RABEP1: variants seen among roughly 807,000 people sequenced by gnomAD.
RABEP1 encodes rab GTPase-binding effector protein 1.
In RABEP1, 51 loss-of-function variants were observed where a neutral mutation model predicts 123.4. The observed-to-expected ratio is 0.41, with a 90% CI of 0.33 to 0.52. The LOEUF (loss-of-function observed/expected upper bound fraction) is 0.52, where lower values mean the gene tolerates loss of function less well. RABEP1 is among the 20% of genes least tolerant of loss of function. RABEP1 has a pLI of 0.16. For synonymous variants in RABEP1, 347 were observed against 355.2 expected (o/e 0.98, Z 0.26); for missense variants, 888 against 996.3 (o/e 0.89, Z 1.46).
At chr17:5,367,900 G>A (rs531348055) in intron 11 of RABEP1, among the ~76,000 whole-genome samples, 30 of 150,514 alleles carry the variant, frequency 2.0e-4, no homozygotes, top group Middle Eastern at 3.4e-3. Context: ...GAATACAGGT[G>A]CCCGCCACCA....
chr17:5,365,259 T>G (rs1174865401), intron 11 of RABEP1, 21 bp downstream of exon 11: 4 of 1,495,110 alleles, frequency 2.7e-6, no homozygotes, highest in Non-Finnish European at 3.6e-6. Context: ...GTTTATAGAC[T>G]GTGGCCCATG....
At position 5,361,302 on chromosome 17, in the gene RABEP1, T is replaced by C; in HGVS notation, c.1190T>C (p.Met397Thr). 1 of 1,614,146 alleles carries C rather than the reference T, an allele frequency of 6.2e-7. No individual in the cohort carries two copies. Among genetic ancestry groups the C allele is most frequent in the Non-Finnish European group, 8.5e-7 (1 of 1,180,036 alleles). ...GDPFSKSDND[M>T]FKDGLRRAQS... ...CCTTTCAGTAAATCGGACAATGACA[T>C]GTTTAAAGATGGACTCAGGAGAGCA... Residue 397 changes from methionine to threonine, a missense_variant, in exon 9 of 18, where the codon ATG (methionine) becomes ACG (threonine). Transcript: ENST00000537505.
chr17:5,345,858 A>G (rs571312085), intron 5 of RABEP1, among the ~76,000 whole-genome samples: 1 of 152,342 alleles, frequency 6.6e-6, no homozygotes, highest in African/African-American at 2.4e-5. Flanking sequence ...AGATATAACC[A>G]TTTGAAAAAG....
intron 6 of RABEP1, among the ~76,000 whole-genome samples, chr17:5,349,853 G>A (rs1001782597): frequency 2.6e-5 from 4 of 152,058 alleles, no homozygotes; most frequent in Non-Finnish European, 5.9e-5. Context: ...ATTTAATTAT[G>A]GAGGAGCCTT....
chr17:5,317,871 G>C (rs1181663924), intron 2 of RABEP1, among the ~76,000 whole-genome samples: 1 of 152,152 alleles, frequency 6.6e-6, no homozygotes, highest in African/African-American at 2.4e-5. Flanking sequence ...TTGATCATTA[G>C]TGGCCATTTA....
Position 5,385,219 on chromosome 17 carries a change from G to C in RABEP1, c.*1996G>C, listed in dbSNP as rs887095297. ...TTTCTGGTATGAAACAAACTACTGT[G>C]TCACTGTCCAGGTAGGAAACAATTC... is the stretch of plus-strand genomic sequence containing the variant. On this transcript the variant is annotated 3_prime_UTR_variant, in exon 18 of 18. Coordinates refer to ENST00000537505, the MANE Select transcript of RABEP1 (RefSeq NM_004703.6). 1 of 230,238 alleles carries C rather than the reference G, an allele frequency of 4.3e-6. No individual in the cohort carries two copies. The highest frequency in any genetic ancestry group is 2.2e-5 in the African/African-American group (1 of 45,180). 14.3% of individuals were successfully genotyped at this position (230,238 alleles called of 1,614,324 possible). A position where few individuals can be genotyped will look rare whatever the true frequency, so the allele number is the denominator to read the frequency against.
chr17:5,310,318 T>TTTTTG, intron 2 of RABEP1, among the ~76,000 whole-genome samples: 1 of 150,474 alleles, frequency 6.6e-6, no homozygotes. Flanking sequence ...TTTTTTTTTT[T>TTTTTG]TGAGATGGGA....
At chr17:5,369,001 C>T (rs935780994) in intron 12 of RABEP1, among the ~76,000 whole-genome samples, 1 of 151,964 alleles carries the variant, frequency 6.6e-6, no homozygotes, top group South Asian at 2.1e-4. Context: ...CCCAGCTACT[C>T]GGGAGGCTGA....
intron 16 of RABEP1, among the ~76,000 whole-genome samples, chr17:5,381,112 T>C (rs1911412410): frequency 6.6e-6 from 1 of 152,190 alleles, no homozygotes; most frequent in African/African-American, 2.4e-5. Flanking sequence ...TTTTGGTGAT[T>C]ATCGTCACTG....
chr17:5,291,752 C>G (rs2075035783), intron 1 of RABEP1, among the ~76,000 whole-genome samples: 1 of 152,064 alleles, frequency 6.6e-6, no homozygotes, highest in South Asian at 2.1e-4. Flanking sequence ...ACTAAAAATA[C>G]AAAAATTAGG....
At chr17:5,357,801 A>G (rs531343594) in intron 8 of RABEP1, among the ~76,000 whole-genome samples, 94 of 152,326 alleles carry the variant, frequency 6.2e-4, no homozygotes, top group African/African-American at 2.1e-3. Context: ...TGGCCACAGC[A>G]GGGAAGCACC....
intron 7 of RABEP1, among the ~76,000 whole-genome samples, chr17:5,350,887 G>A (rs560816487): frequency 1.4e-4 from 22 of 152,232 alleles, no homozygotes; most frequent in Non-Finnish European, 2.5e-4. Context: ...TGCGTATTTC[G>A]GAGAAAATCT....
chr17:5,380,514 G>A (rs1409281613), intron 16 of RABEP1, 52 bp downstream of exon 16: 6 of 1,362,090 alleles, frequency 4.4e-6, no homozygotes, highest in Non-Finnish European at 6.1e-6. Context: ...AAGAATGCAG[G>A]ATCACATCTT....
At chr17:5,291,736 G>A (rs1352015277) in intron 1 of RABEP1, among the ~76,000 whole-genome samples, 2 of 152,046 alleles carry the variant, frequency 1.3e-5, no homozygotes, top group Non-Finnish European at 2.9e-5. Flanking sequence ...GCGAAATTCC[G>A]TTTCTACTAA....
chr17:5,308,112 G>A (rs1426620602), intron 1 of RABEP1, among the ~76,000 whole-genome samples: 1 of 152,076 alleles, frequency 6.6e-6, no homozygotes, highest in Non-Finnish European at 1.5e-5. Context: ...TTGCACAAAG[G>A]CACTTTAGAA....
intron 2 of RABEP1, among the ~76,000 whole-genome samples, chr17:5,331,369 A>T (rs1326850561): frequency 6.6e-6 from 1 of 152,206 alleles, no homozygotes; most frequent in Non-Finnish European, 1.5e-5. Flanking sequence ...TACTGTTGAT[A>T]AGTTCATCTT....
intron 1 of RABEP1, among the ~76,000 whole-genome samples, chr17:5,300,249 CTG>C (rs1186716562): frequency 6.6e-6 from 1 of 152,134 alleles, no homozygotes; most frequent in African/African-American, 2.4e-5. Context: ...CTTCTCTAGA[CTG>C]TGAAAGTTTC....
intron 2 of RABEP1, among the ~76,000 whole-genome samples, chr17:5,310,105 C>G (rs149157557): frequency 1.3e-5 from 2 of 152,138 alleles, no homozygotes; most frequent in Non-Finnish European, 2.9e-5. Flanking sequence ...ACTGCTAGTT[C>G]AAGTACTACA....
At chr17:5,382,930 C>T (rs1008296944) in intron 17 of RABEP1, among the ~76,000 whole-genome samples, 192 bp from the exon 18 acceptor site, 1 of 151,202 alleles carries the variant, frequency 6.6e-6, no homozygotes, top group Non-Finnish European at 1.5e-5. Flanking sequence ...CTCTCCCCCC[C>T]AAAAAAAAAT....
Sources: gnomAD v4.1 joint callset for allele counts (sites outside exome capture counted in the v4.1 genomes callset) on GRCh38, gnomAD v4.1.1 for gene constraint, MANE v1.5 for transcripts, NCBI Gene and HGNC (gene_info 2026-07-23, HGNC 2026-07-21) for gene names.